SYT6: variants seen among roughly 807,000 people sequenced by gnomAD.
SYT6 encodes the protein synaptotagmin 6.
SYT6 carries 24 observed loss-of-function variants against 38.4 expected under a neutral mutation model. That is an observed-to-expected ratio of 0.62 (90% CI 0.45 to 0.88). SYT6 has a LOEUF of 0.88. Among genes scored for constraint, SYT6 ranks in the 40% least tolerant of loss-of-function variants. The pLI is 0.00. For synonymous variants in SYT6, 265 were observed against 241.9 expected (o/e 1.10, Z -0.89); for missense variants, 611 against 621.0 (o/e 0.98, Z 0.17).
At chr1:114,152,140 T>A (rs531956267) in intron 1 of SYT6, 1 of 152,130 alleles carries the variant, frequency 6.6e-6, no homozygotes, top group African/African-American at 2.4e-5. Context: ...TCTACCTCTA[T>A]ATACGACCTT....
intron 1 of SYT6, 104 bp from the exon 2 acceptor site, chr1:114,140,067 A>G: frequency 1.6e-6 from 1 of 642,444 alleles, no homozygotes; most frequent in African/African-American, 1.8e-5. Context: ...CAAAGACGGA[A>G]GAAGAGAGAA....
chr1:114,093,643 G>A, intron 7 of SYT6, 92 bp downstream of exon 7: 8 of 1,241,616 alleles, frequency 6.4e-6, no homozygotes, highest in Non-Finnish European at 8.0e-6. Flanking sequence ...ACTCCATCCT[G>A]CTGCTATCTC....
At chr1:114,145,502 G>GTTGTTTGTTTTTTTTTTT (rs1679109157) in intron 1 of SYT6, among the ~76,000 whole-genome samples, 1 of 111,626 alleles carries the variant, frequency 9.0e-6, no homozygotes, top group African/African-American at 3.7e-5. Flanking sequence ...GAGGTATTAA[G>GTTGTTTGTTTTTTTTTTT]TTTTTTTTTT....
intron 3 of SYT6, among the ~76,000 whole-genome samples, chr1:114,131,090 C>T (rs1678116930): frequency 6.6e-6 from 1 of 152,118 alleles, no homozygotes; most frequent in Non-Finnish European, 1.5e-5. Context: ...CTGCCTTCCC[C>T]CAACATGCTG....
At chr1:114,121,398 T>C (rs1017659392) in intron 3 of SYT6, among the ~76,000 whole-genome samples, 2 of 152,092 alleles carry the variant, frequency 1.3e-5, no homozygotes, top group African/African-American at 4.8e-5. Flanking sequence ...TCCTGAACAT[T>C]TGCAGGCCCA....
intron 3 of SYT6, among the ~76,000 whole-genome samples, chr1:114,111,139 C>T (rs676268): frequency 0.38 from 57,034 of 152,006 alleles, 11,359 homozygotes; most frequent in Non-Finnish European, 0.43. Context: ...GCTTCTTCAC[C>T]GGGTGGCCCT....
chr1:114,139,278 G>C (rs1678700789), intron 2 of SYT6, among the ~76,000 whole-genome samples: 1 of 151,994 alleles, frequency 6.6e-6, no homozygotes, highest in African/African-American at 2.4e-5. Flanking sequence ...TACATCTCTA[G>C]GCCTTTACTG....
At chr1:114,114,480 C>A (rs941660348) in intron 3 of SYT6, among the ~76,000 whole-genome samples, 5 of 152,174 alleles carry the variant, frequency 3.3e-5, no homozygotes, top group Admixed American at 3.3e-4. Flanking sequence ...TCAGCCTCAG[C>A]CTCTGGTCTC....
chr1:114,136,093 G>A (rs930207397), intron 3 of SYT6, among the ~76,000 whole-genome samples: 53 of 152,176 alleles, frequency 3.5e-4, no homozygotes, highest in African/African-American at 1.2e-3. Flanking sequence ...GAGGTACTGA[G>A]CCATTGGGCT....
At chr1:114,107,965 T>C (rs1676430625) in intron 3 of SYT6, among the ~76,000 whole-genome samples, 1 of 152,230 alleles carries the variant, frequency 6.6e-6, no homozygotes, top group Non-Finnish European at 1.5e-5. Context: ...ATGAGCTCTC[T>C]GGTGCAGGAG....
chr1:114,140,295 A>T (rs575740109), intron 1 of SYT6, among the ~76,000 whole-genome samples: 10 of 151,760 alleles, frequency 6.6e-5, no homozygotes, highest in African/African-American at 2.4e-4. Flanking sequence ...CAGGGAAATG[A>T]AAATAATTTA....
chr1:114,110,600 A>G (rs1676618831), intron 3 of SYT6, among the ~76,000 whole-genome samples: 1 of 152,320 alleles, frequency 6.6e-6, no homozygotes, highest in East Asian at 1.9e-4. Flanking sequence ...GCTTCCTATG[A>G]AAAGCAGAGC....
rs936830338 is a variant in SYT6, at chr1:114,090,817, A to T, written c.*1317T>A. The T allele has an allele frequency of 4.6e-5, 7 of 152,600 alleles. No individual in the cohort carries two copies. The highest frequency in any genetic ancestry group is 1.7e-4 in the African/African-American group (7 of 41,452). The allele number at this position is 152,600 out of a possible 1,614,324, so 9.5% of individuals were successfully genotyped here. The stretch of plus-strand genomic sequence containing the variant: ...ATTAACTCAACAGAAATGTGCTATT[A>T]CAACACAGAATAGTTCAAACAATTT... On this transcript the variant is annotated 3_prime_UTR_variant, in exon 8 of 8. Transcript: ENST00000610222.
chr1:114,102,547 T>C (rs1373133047), intron 4 of SYT6, among the ~76,000 whole-genome samples: 1 of 152,160 alleles, frequency 6.6e-6, no homozygotes, highest in African/African-American at 2.4e-5. Flanking sequence ...CCTCTGTTAT[T>C]TCCAAACTCA....
At position 114,103,616 on chromosome 1, in the gene SYT6, T is replaced by C. The variant is rs1396954290; in HGVS notation, c.1177A>G (p.Ile393Val). The part of the protein sequence containing the change: ...IKCRNLKAMD[I>V]TGYSDPYVKV... ...AGAGAGGTACCTGAATAGCCTGTGA[T>C]GTCCATCGCCTTGAGGTTCCGACAC... The change falls in exon 4 of 8, where the codon ATC becomes GTC. Residue 393 changes from isoleucine (I) to valine (V), a missense_variant. Physicochemically the swap from Ile to Val is conservative, Grantham distance 29. Transcript: ENST00000610222. The C allele has an allele frequency of 1.9e-6, 3 of 1,614,080 alleles. No individual in the cohort carries two copies. The highest frequency in any genetic ancestry group is 1.3e-5 in the African/African-American group (1 of 74,934).
At chr1:114,134,861 G>C (rs566343409) in intron 3 of SYT6, among the ~76,000 whole-genome samples, 3 of 152,312 alleles carry the variant, frequency 2.0e-5, no homozygotes, top group African/African-American at 7.2e-5. Context: ...GCTGGTATGG[G>C]AATTCATATA....
intron 6 of SYT6, 26 bp downstream of exon 6, chr1:114,097,701 G>A (rs1416493932): frequency 1.2e-6 from 2 of 1,611,202 alleles, no homozygotes; most frequent in Admixed American, 1.7e-5. Context: ...CAGCAAACAT[G>A]CCAAGGGCCA....
intron 3 of SYT6, among the ~76,000 whole-genome samples, chr1:114,111,135 T>C (rs1447052624): frequency 1.3e-5 from 2 of 152,184 alleles, no homozygotes; most frequent in Non-Finnish European, 2.9e-5. Flanking sequence ...TCAAGCTTCT[T>C]CACCGGGTGG....
At position 114,093,350 on chromosome 1, in the gene SYT6, C is replaced by A. The variant is rs11102729; in HGVS notation, c.*51+385G>T. 2.6e-5 allele frequency among the ~76,000 whole-genome samples: 4 copies of A among 152,000 alleles called. No individual in the cohort carries two copies. The South Asian group carries it at 6.2e-4, about 24-fold the overall frequency. Reference sequence around the variant, plus strand: ...AGCTTCTGTTACCCTTCTCTGGGCTCGGTTCTTCATGGGCTTCTTAGGACT... The same window carrying A: ...AGCTTCTGTTACCCTTCTCTGGGCTAGGTTCTTCATGGGCTTCTTAGGACT... On this transcript the variant is annotated intron_variant, in intron 7 of 7. Transcript: ENST00000610222.
Sources: gnomAD v4.1 joint callset for allele counts (sites outside exome capture counted in the v4.1 genomes callset) on GRCh38, gnomAD v4.1.1 for gene constraint, MANE v1.5 for transcripts, NCBI Gene and HGNC (gene_info 2026-07-23, HGNC 2026-07-21) for gene names.